The following MMP10 variants were observed in gnomAD, a reference collection of about 807,000 sequenced individuals.
MMP10 encodes matrix metallopeptidase 10, also known as stromelysin-2.
In MMP10, 50 loss-of-function variants were observed where a neutral mutation model predicts 49.1. The observed-to-expected ratio is 1.02, with a 90% CI of 0.81 to 1.29. The LOEUF is 1.29. Ranked by LOEUF, MMP10 falls within the 50% of genes most tolerant of loss-of-function variation. The pLI is 0.00. For missense variants in MMP10, 613 were observed against 563.8 expected (o/e 1.09, Z -0.88); for synonymous variants, 229 against 201.6 (o/e 1.14, Z -1.15).
intron 6 of MMP10, 49 bp from the exon 7 acceptor site, chr11:102,775,370 GAA>G (rs17860981): frequency 2.1e-6 from 3 of 1,462,776 alleles, no homozygotes; most frequent in Non-Finnish European, 2.8e-6. Flanking sequence ...TTAGATATGT[GAA>G]AAAAAAATTC....
intron 6 of MMP10, among the ~76,000 whole-genome samples, chr11:102,775,740 C>T (rs1367863695): frequency 6.6e-6 from 1 of 152,070 alleles, no homozygotes; most frequent in Non-Finnish European, 1.5e-5. Context: ...TATTGTGCCA[C>T]AAGCACATAT....
At chr11:102,779,810 TC>T in intron 1 of MMP10, 65 bp from the exon 2 acceptor site, 7 of 1,526,492 alleles carry the variant, frequency 4.6e-6, no homozygotes, top group Non-Finnish European at 6.2e-6. Context: ...ACTTTTATAA[TC>T]CATCGTAATT....
At chr11:102,775,890 G>A (rs1196420063) in intron 6 of MMP10, among the ~76,000 whole-genome samples, 1 of 152,060 alleles carries the variant, frequency 6.6e-6, no homozygotes. Context: ...GAACGAAACA[G>A]ATATAACTCC....
chr11:102,770,910 G>C lies in MMP10; in HGVS notation c.1331-17C>G. Reference sequence around the variant, plus strand: ...AGAAAAATCCTGTAAATATAGATAAGGAAAATGATGAGACATCTTCAAATA... The same window carrying C: ...AGAAAAATCCTGTAAATATAGATAACGAAAATGATGAGACATCTTCAAATA... On this transcript the variant is annotated splice_polypyrimidine_tract_variant and intron_variant, in intron 9 of 9. Transcript: ENST00000279441. 6.7e-7 allele frequency: 1 copy of C among 1,499,760 alleles called. No individual in the cohort carries two copies. The highest frequency in any genetic ancestry group is 9.2e-7 in the Non-Finnish European group (1 of 1,082,198). The allele number at this position is 1,499,760 out of a possible 1,614,324, so 92.9% of individuals were successfully genotyped here.
In MMP10 at chr11:102,778,624, C is replaced by A. The variant is rs754036747; in HGVS notation, c.622G>T (p.Gly208Cys). 6.2e-7 allele frequency: 1 copy of A among 1,613,712 alleles called. No homozygotes were observed. Among genetic ancestry groups the A allele is most frequent in the Non-Finnish European group, 8.5e-7 (1 of 1,179,898 alleles). The stretch of plus-strand genomic sequence containing the variant: ...TGTTCCCGAGAGGTTTACGACCCAC[C>A]TGATGCATCTTCTGTCCATTTTTCA... ...DDEKWTEDAS[G>C]TNLFLVAAHE... is the part of the protein sequence containing the mutation. Residue 208 changes from glycine (G) to cysteine (C), a missense_variant and splice_region_variant, in exon 4 of 10, where the codon GGC becomes TGC. By Grantham distance (159) the Gly-to-Cys change is radical. Coordinates refer to ENST00000279441, the MANE Select transcript of MMP10 (RefSeq NM_002425.3).
chr11:102,775,090 A>G, intron 7 of MMP10, 98 bp downstream of exon 7: 1 of 889,076 alleles, frequency 1.1e-6, no homozygotes, highest in Non-Finnish European at 1.5e-6. Flanking sequence ...AAGGTCTTTC[A>G]GTAATCTAAA....
chr11:102,776,772 G>T lies in MMP10; in HGVS notation c.627C>A (p.Thr209=), dbSNP rs1857746449. Residue 209 remains threonine (T), a synonymous_variant, in exon 5 of 10, where the codon ACC becomes ACA. Coordinates refer to ENST00000279441, the MANE Select transcript of MMP10 (RefSeq NM_002425.3). ...DEKWTEDASG[T]NLFLVAAHEL... ...CATGAGCAGCAACGAGGAATAAATTGGTGCCTGTATGAAAATCATAAATGT... is the reference window on the plus strand; with the variant it reads ...CATGAGCAGCAACGAGGAATAAATTTGTGCCTGTATGAAAATCATAAATGT... The T allele has an allele frequency of 6.2e-7, 1 of 1,613,626 alleles. No homozygotes were observed. Among genetic ancestry groups the T allele is most frequent in the African/African-American group, 1.3e-5 (1 of 74,874 alleles).
rs368118730 is a variant in MMP10 at position 102,780,508 on chromosome 11, G to T, written c.84C>A (p.Asp28Glu). The change falls in exon 1 of 10, where the codon GAC (aspartate) becomes GAA (glutamate). Residue 28 changes from aspartate to glutamate, a missense_variant. Physicochemically the swap from Asp to Glu is conservative, Grantham distance 45. Transcript: ENST00000279441. ...TTACCTGGGCAAGATCCTTGTTGGA[G>T]TCCTCCTCTTTTGCTGCCCCACTCA... is the stretch of plus-strand genomic sequence containing the variant. ...YPLSGAAKEE[D>E]SNKDLAQQYL... is the part of the protein sequence containing the mutation. 3.1e-6 allele frequency: 5 copies of T among 1,613,842 alleles called. No homozygotes were observed. The African/African-American group carries it at 6.7e-5, about 22-fold the overall frequency.
At chr11:102,776,141 C>A (rs143586799) in intron 6 of MMP10, 139 bp downstream of exon 6, 1 of 657,656 alleles carries the variant, frequency 1.5e-6, no homozygotes, top group Non-Finnish European at 2.5e-6. Flanking sequence ...CCCTGTGACA[C>A]GAGTTTATCT....
In MMP10 at chr11:102,773,355, AG is replaced by A. The variant is rs1416711353; in HGVS notation, c.1067-350del. On this transcript the variant is annotated intron_variant, in intron 7 of 9. Coordinates refer to ENST00000279441, the MANE Select transcript of MMP10 (RefSeq NM_002425.3). ...CTCTTAAGTTTCATACCAATAGATC[AG>A]TTGCTTATTGGACACTTCCTTTGAG... 5.9e-5 allele frequency among the ~76,000 whole-genome samples: 9 copies of A among 152,338 alleles called. No homozygotes were observed. In the East Asian group the frequency reaches 1.5e-3, roughly 26 times the overall value.
chr11:102,778,722 C>T lies in MMP10; in HGVS notation c.524G>A (p.Gly175Asp). 1.2e-6 allele frequency: 2 copies of T among 1,613,832 alleles called. No homozygotes were observed. The highest frequency in any genetic ancestry group is 2.2e-5 in the East Asian group (1 of 44,866). Reference protein sequence around the residue: ...KEHGDFYSFDGPGHSLAHAYP... With the variant: ...KEHGDFYSFDDPGHSLAHAYP... ...GGCATGAGCCAAACTGTGTCCTGGG[C>T]CATCAAAAGAGTAAAAGTCTCCATG... The change falls in exon 4 of 10, where the codon GGC becomes GAC. Residue 175 changes from glycine to aspartate, a missense_variant. Transcript: ENST00000279441.
Position 102,772,022 on chromosome 11 carries a change from T to A in MMP10, c.1320A>T (p.Leu440Phe), listed in dbSNP as rs17860996. The A allele has an allele frequency of 2.9e-4, 469 of 1,606,842 alleles. No individual in the cohort carries two copies. In the African/African-American group the frequency reaches 5.6e-3, roughly 19 times the overall value. Residue 440 changes from leucine (L) to phenylalanine (F), a missense_variant, in exon 9 of 10, where the codon TTA becomes TTT. Coordinates refer to ENST00000279441, the MANE Select transcript of MMP10 (RefSeq NM_002425.3). The surrounding 1 kb of genome is among the most constrained non-coding windows in gnomAD (Gnocchi z 4.4). ...PGVEPKVDAV[L>F]QAFGFFYFFS... ...TAAGGGTCTTCTTACCAAATGCCTGTAATACAGCATCAACCTTAGGCTCAA... is the reference window on the plus strand; with the variant it reads ...TAAGGGTCTTCTTACCAAATGCCTGAAATACAGCATCAACCTTAGGCTCAA...
intron 1 of MMP10, 125 bp from the exon 2 acceptor site, chr11:102,779,870 T>G: frequency 8.9e-7 from 1 of 1,128,510 alleles, no homozygotes. Context: ...TAATTTGATT[T>G]TTCATTAAGA....
chr11:102,777,823 C>T lies in MMP10; in HGVS notation c.622+801G>A, dbSNP rs140205785. 1.8e-4 allele frequency among the ~76,000 whole-genome samples: 28 copies of T among 152,040 alleles called. No homozygotes were observed. The East Asian group carries it at 5.0e-3, about 27-fold the overall frequency. On this transcript the variant is annotated intron_variant, in intron 4 of 9. Transcript: ENST00000279441. ...TTTCATGCAACACAAACTTCAGTCT[C>T]GTGAGACAGAGTCTCACTCTGTTGC...
chr11:102,778,650 T>G lies in MMP10; in HGVS notation c.596A>C (p.Asp199Ala). 1 of 1,613,998 alleles carries G rather than the reference T, an allele frequency of 6.2e-7. No homozygotes were observed. Reference sequence around the variant, plus strand: ...TGATGCATCTTCTGTCCATTTTTCATCATCATCAAAGTGAATATCTCCATA... The same window carrying G: ...TGATGCATCTTCTGTCCATTTTTCAGCATCATCAAAGTGAATATCTCCATA... ...GLYGDIHFDD[D>A]EKWTEDASGT... Residue 199 changes from aspartate (D) to alanine (A), a missense_variant, in exon 4 of 10, where the codon GAT becomes GCT. Coordinates refer to ENST00000279441, the MANE Select transcript of MMP10 (RefSeq NM_002425.3).
chr11:102,780,453 G>T (rs751147286), intron 1 of MMP10, 34 bp downstream of exon 1: 32 of 1,568,018 alleles, frequency 2.0e-5, no homozygotes, highest in Non-Finnish European at 2.2e-5. Flanking sequence ...AATTGAGCTG[G>T]CCAGTAGCTG....
At position 102,780,489 on chromosome 11, in the gene MMP10, G is replaced by C. The variant is rs760821530; in HGVS notation, c.103C>G (p.Gln35Glu). The C allele has an allele frequency of 1.2e-5, 20 of 1,613,528 alleles. No individual in the cohort carries two copies. The highest frequency in any genetic ancestry group is 1.6e-5 in the Non-Finnish European group (19 of 1,179,782). The part of the protein sequence containing the change: ...KEEDSNKDLA[Q>E]QYLEKYYNLE... The stretch of plus-strand genomic sequence containing the variant: ...CAATAGATGCCACCGTTAATTACCT[G>C]GGCAAGATCCTTGTTGGAGTCCTCC... The change falls in exon 1 of 10, where the codon CAG becomes GAG. Residue 35 changes from glutamine (Q) to glutamate (E), a missense_variant and splice_region_variant. Coordinates refer to ENST00000279441, the MANE Select transcript of MMP10 (RefSeq NM_002425.3).
At chr11:102,774,954 T>C (rs1862007424) in intron 7 of MMP10, among the ~76,000 whole-genome samples, 1 of 152,234 alleles carries the variant, frequency 6.6e-6, no homozygotes, top group South Asian at 2.1e-4. Context: ...CTTGTATCTA[T>C]AGATAAATTG....
intron 6 of MMP10, 58 bp from the exon 7 acceptor site, chr11:102,775,379 A>C: frequency 7.0e-7 from 1 of 1,438,216 alleles, no homozygotes; most frequent in Non-Finnish European, 9.4e-7. Flanking sequence ...TGAAAAAAAA[A>C]TTCTTTTTTT....
Sources: allele counts gnomAD v4.1 joint callset (sites outside exome capture counted in the v4.1 genomes callset), GRCh38; gene constraint gnomAD v4.1.1; non-coding constraint Gnocchi (gnomAD v3.1); transcripts MANE v1.5; gene names NCBI Gene and HGNC (gene_info 2026-07-23, HGNC 2026-07-21).